Variants in RAB27A observed in about 807,000 individuals in gnomAD.
RAB27A encodes RAB27A, member RAS oncogene family.
RAB27A carries 17 observed loss-of-function variants against 20.8 expected under a neutral mutation model. That is an observed-to-expected ratio of 0.82 (90% CI 0.56 to 1.23). RAB27A has a LOEUF of 1.23. Ranked by LOEUF, RAB27A falls within the 50% of genes most tolerant of loss-of-function variation. The pLI, the probability that RAB27A is intolerant of heterozygous loss-of-function variation, is 0.00. For synonymous variants in RAB27A, 85 were observed against 92.8 expected, an observed-to-expected ratio of 0.92 and a Z score of 0.48; for missense variants, 277 against 266.7, an observed-to-expected ratio of 1.04 and a Z score of -0.27.
intron 1 of RAB27A, among the ~76,000 whole-genome samples, chr15:55,282,786 C>T (rs896200352): frequency 4.6e-5 from 7 of 152,130 alleles, no homozygotes; most frequent in African/African-American, 9.7e-5. Flanking sequence ...GTAGGCTGTT[C>T]CCAAAGGGTC....
At chr15:55,293,810 G>A (rs759456055), upstream of RAB27A, among the ~76,000 whole-genome samples, 3 of 152,022 alleles carry the variant, frequency 2.0e-5, no homozygotes, top group South Asian at 2.1e-4. Context: ...CCAGCTACTC[G>A]GGTGGTTGAA....
At chr15:55,212,110 C>A (rs1251612363) in intron 6 of RAB27A, among the ~76,000 whole-genome samples, 1 of 152,000 alleles carries the variant, frequency 6.6e-6, no homozygotes, top group Non-Finnish European at 1.5e-5. Context: ...AAAATTATTT[C>A]TTGAGCTACC....
At chr15:55,278,312 C>A (rs1487036261) in intron 1 of RAB27A, among the ~76,000 whole-genome samples, 2 of 152,126 alleles carry the variant, frequency 1.3e-5, no homozygotes, top group Non-Finnish European at 2.9e-5. Flanking sequence ...CTCTTTTACA[C>A]TATGGGAGCC....
intron 1 of RAB27A, among the ~76,000 whole-genome samples, chr15:55,284,478 AT>A (rs1324666897): frequency 1.3e-5 from 2 of 152,230 alleles, no homozygotes; most frequent in Non-Finnish European, 2.9e-5. Flanking sequence ...ATAAAAAAAA[AT>A]AAAACCACAT....
intron 2 of RAB27A, among the ~76,000 whole-genome samples, chr15:55,261,961 C>CA (rs1466877564): frequency 6.7e-6 from 1 of 150,278 alleles, no homozygotes; most frequent in African/African-American, 2.5e-5. Flanking sequence ...TGCTTGAACT[C>CA]AGGAGACAGA....
At chr15:55,248,520 AAG>A (rs1332238378) in intron 2 of RAB27A, among the ~76,000 whole-genome samples, 1 of 152,170 alleles carries the variant, frequency 6.6e-6, no homozygotes, top group African/African-American at 2.4e-5. Context: ...TCCAATCAGG[AAG>A]AGTTTTTCCC....
At chr15:55,253,171 G>A (rs1051237835) in intron 2 of RAB27A, among the ~76,000 whole-genome samples, 47 of 148,400 alleles carry the variant, frequency 3.2e-4, no homozygotes, top group African/African-American at 1.1e-3. Context: ...CTAATGGCCA[G>A]GCGTGGTGGC....
intron 6 of RAB27A, among the ~76,000 whole-genome samples, chr15:55,220,925 C>A (rs1376988967): frequency 1.3e-5 from 2 of 152,174 alleles, no homozygotes; most frequent in African/African-American, 4.8e-5. Context: ...TGTTTCTAGC[C>A]CTTTCCTTTC....
chr15:55,298,398 G>A (rs533993911), intron 2 of RAB27A, among the ~76,000 whole-genome samples: 7 of 152,212 alleles, frequency 4.6e-5, no homozygotes, highest in East Asian at 1.9e-4. Flanking sequence ...GATGCCCCAC[G>A]AGCTGCAAAA....
intron 1 of RAB27A, among the ~76,000 whole-genome samples, chr15:55,277,221 T>G (rs1303368469): frequency 6.6e-6 from 1 of 152,158 alleles, no homozygotes; most frequent in Non-Finnish European, 1.5e-5. Context: ...AATGTGTCAT[T>G]TAGAGACTAG....
At chr15:55,237,818 A>C (rs1896322221) in intron 2 of RAB27A, among the ~76,000 whole-genome samples, 1 of 152,164 alleles carries the variant, frequency 6.6e-6, no homozygotes, top group African/African-American at 2.4e-5. Context: ...TTTGAAAAAA[A>C]AGTTGGTATA....
At chr15:55,286,146 T>C (rs1898146403) in intron 1 of RAB27A, among the ~76,000 whole-genome samples, 1 of 152,220 alleles carries the variant, frequency 6.6e-6, no homozygotes, top group Admixed American at 6.5e-5. Flanking sequence ...CGATCTCCTC[T>C]GATCTTGGAA....
intron 3 of RAB27A, among the ~76,000 whole-genome samples, chr15:55,234,116 T>C (rs775190365): frequency 3.8e-4 from 58 of 152,210 alleles, no homozygotes; most frequent in Non-Finnish European, 6.5e-4. Flanking sequence ...AGGCCAACAA[T>C]GGATTTTTCA....
intron 6 of RAB27A, among the ~76,000 whole-genome samples, chr15:55,214,318 C>A (rs548049370): frequency 1.5e-3 from 221 of 152,270 alleles, no homozygotes; most frequent in African/African-American, 5.0e-3. Flanking sequence ...CGCCTGTAGT[C>A]CCAGCTACTC....
In RAB27A at chr15:55,234,866, G is replaced by T. The variant is rs1208142024; in HGVS notation, c.69C>A (p.Thr23=). ...LALGDSGVGK[T]SVLYQYTDGK... is the part of the protein sequence containing the mutation. ...CATCTGTATATTGGTAAAGTACACT[G>T]GTCTTCCCTACACCAGAGTCTCCCA... The change falls in exon 3 of 7, where the codon ACC becomes ACA. Residue 23 remains threonine (T), a synonymous_variant. Coordinates refer to ENST00000336787, the MANE Select transcript of RAB27A (RefSeq NM_183235.3). 6.2e-7 allele frequency: 1 copy of T among 1,611,428 alleles called. No individual in the cohort carries two copies. Among genetic ancestry groups the T allele is most frequent in the East Asian group, 2.2e-5 (1 of 44,806 alleles).
intron 2 of RAB27A, among the ~76,000 whole-genome samples, chr15:55,295,547 C>T (rs138783673): frequency 1.3e-3 from 196 of 152,276 alleles, no homozygotes; most frequent in African/African-American, 4.0e-3. Context: ...CATGTTACAA[C>T]GTGGATGAAC....
chr15:55,266,453 G>A (rs1783756925), intron 2 of RAB27A, among the ~76,000 whole-genome samples: 1 of 152,184 alleles, frequency 6.6e-6, no homozygotes, highest in Non-Finnish European at 1.5e-5. Context: ...GGATGAAGAA[G>A]AAGTGATTAA....
chr15:55,252,890 T>C (rs1896943685), intron 2 of RAB27A, among the ~76,000 whole-genome samples: 1 of 151,524 alleles, frequency 6.6e-6, no homozygotes, highest in African/African-American at 2.4e-5. Flanking sequence ...ATCCCAGCAC[T>C]TTGGGAGGCC....
chr15:55,298,259 T>A (rs1040479769), intron 2 of RAB27A, among the ~76,000 whole-genome samples: 2 of 148,958 alleles, frequency 1.3e-5, no homozygotes, highest in Non-Finnish European at 3.0e-5. Context: ...CCTGCCCCGA[T>A]AGTCACATAG....
Sources: allele counts gnomAD v4.1 joint callset (sites outside exome capture counted in the v4.1 genomes callset), GRCh38; gene constraint gnomAD v4.1.1; transcripts MANE v1.5; gene names NCBI Gene and HGNC (gene_info 2026-07-23, HGNC 2026-07-21).